Variants in RAD54L observed in about 807,000 individuals in gnomAD.
RAD54L encodes DNA repair and recombination protein RAD54-like.
A neutral mutation model predicts 91.6 loss-of-function variants in RAD54L; 74 were observed. That is an observed-to-expected ratio of 0.81 (90% CI 0.67 to 0.98). The LOEUF is 0.98. RAD54L is among the 50% of genes least tolerant of loss of function. The probability of loss-of-function intolerance (pLI) is 0.00; values close to 1 mark genes in which losing one functional copy is unlikely to be tolerated. For missense variants in RAD54L, 887 were observed against 945.7 expected (o/e 0.94, Z 0.81); for synonymous variants, 304 against 349.7 (o/e 0.87, Z 1.46).
rs1489321748 is a variant in RAD54L, at chr1:46,247,779, G to A, written c.-627G>A. The A allele has an allele frequency of 1.3e-5, 2 of 159,840 alleles. No homozygotes were observed. The highest frequency in any genetic ancestry group is 1.2e-4 in the Admixed American group (2 of 16,900). The allele number at this position is 159,840 out of a possible 1,614,324, so 9.9% of individuals were successfully genotyped here. A position where few individuals can be genotyped will look rare whatever the true frequency, so the allele number is the denominator to read the frequency against. On this transcript the variant is annotated 5_prime_UTR_variant, in exon 1 of 18. Transcript: ENST00000371975. ...TTGGCGGCTGTTAACGCGCGCTTTG[G>A]GAACAGGAAGGTTGAGAGAGAGGTG...
In RAD54L at chr1:46,278,347, C is replaced by T. The variant is rs1660687459; in HGVS notation, c.*65C>T. 11 of 1,491,122 alleles carry T rather than the reference C, an allele frequency of 7.4e-6. No homozygotes were observed. The South Asian group carries it at 1.2e-4, about 16-fold the overall frequency. 92.4% of individuals were successfully genotyped at this position (1,491,122 alleles called of 1,614,324 possible). On this transcript the variant is annotated 3_prime_UTR_variant, in exon 18 of 18. Transcript: ENST00000371975. ...TAGGGAAAAGGGGCTCCTTGCTCCA[C>T]AGGGCCCTGTTGAATTTTGTTCTCT...
intron 16 of RAD54L, among the ~76,000 whole-genome samples, chr1:46,276,106 C>T (rs544496906): frequency 6.6e-6 from 1 of 152,268 alleles, no homozygotes; most frequent in Non-Finnish European, 1.5e-5. Flanking sequence ...ACCACTTAAT[C>T]TACATTTCCA....
chr1:46,277,782 G>T (rs748932624), intron 16 of RAD54L, 35 bp from the exon 17 acceptor site: 2 of 1,570,252 alleles, frequency 1.3e-6, no homozygotes, highest in South Asian at 2.2e-5. Context: ...GCTAAGCGCT[G>T]TATCTTTTGA....
intron 16 of RAD54L, among the ~76,000 whole-genome samples, chr1:46,277,016 C>T (rs189812114): frequency 1.6e-4 from 24 of 152,244 alleles, no homozygotes; most frequent in East Asian, 9.7e-4. Context: ...AGGCTGGTCT[C>T]GAACTCCTGA....
Position 46,267,801 on chromosome 1 carries a change from A to G in RAD54L, c.1042+192A>G. On this transcript the variant is annotated intron_variant, in intron 9 of 17. Coordinates refer to ENST00000371975, the MANE Select transcript of RAD54L (RefSeq NM_003579.4). ...CCTTGGATCTGCTGAGCAACTCAGC[A>G]AAGCCCATGTTGGCCATTTTTCCAT... 3 of 755,548 alleles carry G rather than the reference A, an allele frequency of 4.0e-6. No homozygotes were observed. The South Asian group carries it at 4.8e-5, about 12-fold the overall frequency. 46.8% of individuals were successfully genotyped at this position (755,548 alleles called of 1,614,324 possible). A position where few individuals can be genotyped will look rare whatever the true frequency, so the allele number is the denominator to read the frequency against.
intron 9 of RAD54L, among the ~76,000 whole-genome samples, chr1:46,268,052 T>A (rs1660315721): frequency 6.6e-6 from 1 of 152,114 alleles, no homozygotes; most frequent in Admixed American, 6.6e-5. Context: ...CCATCATCCA[T>A]CTTCAGATTT....
Position 46,267,598 on chromosome 1 carries a change from C to G in RAD54L, c.1031C>G (p.Ser344Cys). Reference sequence around the variant, plus strand: ...TTCAGCTTGGTACATTTTGTTAATTCCGGCATCCTAGGTAAGAATCTAGCC... The same window carrying G: ...TTCAGCTTGGTACATTTTGTTAATTGCGGCATCCTAGGTAAGAATCTAGCC... The part of the protein sequence containing the change: ...EYFSLVHFVN[S>C]GILGTAHEFK... The change falls in exon 9 of 18, where the codon TCC (serine) becomes TGC (cysteine). Residue 344 changes from serine to cysteine, a missense_variant. By Grantham distance (112) the Ser-to-Cys change is moderately radical (BLOSUM62 -1). Transcript: ENST00000371975. 6.2e-7 allele frequency: 1 copy of G among 1,611,790 alleles called. No individual in the cohort carries two copies. The highest frequency in any genetic ancestry group is 8.5e-7 in the Non-Finnish European group (1 of 1,178,084).
intron 3 of RAD54L, among the ~76,000 whole-genome samples, chr1:46,255,095 A>G (rs992250393): frequency 1.2e-4 from 18 of 152,188 alleles, no homozygotes; most frequent in African/African-American, 4.3e-4. Context: ...TCTTGGCCAG[A>G]GTGGAAGGGG....
intron 9 of RAD54L, among the ~76,000 whole-genome samples, chr1:46,270,403 G>A (rs1660388795): frequency 6.6e-6 from 1 of 151,120 alleles, no homozygotes. Context: ...TGTCTTTTTA[G>A]TGGACTATTC....
rs1227675246 is a variant in RAD54L, at chr1:46,278,162, C to T, written c.2124C>T (p.His708=). 6 of 1,613,766 alleles carry T rather than the reference C, an allele frequency of 3.7e-6. No homozygotes were observed. The African/African-American group carries it at 8.0e-5, about 22-fold the overall frequency. Residue 708 remains histidine, a synonymous_variant, in exon 18 of 18, where the codon CAC becomes CAT. Transcript: ENST00000371975. The part of the protein sequence containing the change: ...DCTSDLAGWN[H]CTDKWGLRDE... Reference sequence around the variant, plus strand: ...CTTCAGACCTGGCAGGGTGGAACCACTGCACTGATAAGTGGGGGCTCCGGG... The same window carrying T: ...CTTCAGACCTGGCAGGGTGGAACCATTGCACTGATAAGTGGGGGCTCCGGG...
In RAD54L at chr1:46,248,502, C is replaced by T; in HGVS notation, c.4-10C>T. 2 of 1,614,108 alleles carry T rather than the reference C, an allele frequency of 1.2e-6. No individual in the cohort carries two copies. The highest frequency in any genetic ancestry group is 2.2e-5 in the East Asian group (1 of 44,866). On this transcript the variant is annotated splice_polypyrimidine_tract_variant and intron_variant, in intron 1 of 17. Coordinates refer to ENST00000371975, the MANE Select transcript of RAD54L (RefSeq NM_003579.4). ...TCCTTGCAGGCACTGTTTCTGTTCT[C>T]CCTTTACAGAGGAGGAGCTTGGCTC... is the stretch of plus-strand genomic sequence containing the variant.
rs372057099 is a variant in RAD54L, at chr1:46,274,521, G to A, written c.1690-17G>A. The A allele has an allele frequency of 3.7e-5, 59 of 1,612,008 alleles. No homozygotes were observed. Among genetic ancestry groups the A allele is most frequent in the Non-Finnish European group, 4.7e-5 (55 of 1,179,818 alleles). On this transcript the variant is annotated splice_polypyrimidine_tract_variant and intron_variant, in intron 15 of 17. Coordinates refer to ENST00000371975, the MANE Select transcript of RAD54L (RefSeq NM_003579.4). ...GGCTATAAGAGGTTCCTTTTCTCCT[G>A]TTTCTTCTCTTTCCAGAGCCCTGAC...
intron 16 of RAD54L, 59 bp from the exon 17 acceptor site, chr1:46,277,758 T>G: frequency 6.5e-7 from 1 of 1,536,774 alleles, no homozygotes; most frequent in Non-Finnish European, 9.0e-7. Flanking sequence ...TCCTGCTCCC[T>G]TTTTATGAGG....
chr1:46,260,205 T>A, intron 5 of RAD54L, 106 bp downstream of exon 5: 1 of 1,527,634 alleles, frequency 6.5e-7, no homozygotes, highest in Non-Finnish European at 9.0e-7. Context: ...GATTGACATA[T>A]GTTTTCAGAG....
At chr1:46,255,336 G>C (rs1323943947) in intron 3 of RAD54L, among the ~76,000 whole-genome samples, 2 of 152,050 alleles carry the variant, frequency 1.3e-5, no homozygotes, top group African/African-American at 2.4e-5. Flanking sequence ...TAGCCTTGGT[G>C]GGGAGGAGGG....
At chr1:46,258,792 G>A (rs2148285705) in intron 4 of RAD54L, 46 bp downstream of exon 4, 1 of 1,395,524 alleles carries the variant, frequency 7.2e-7, no homozygotes, top group Non-Finnish European at 1.0e-6. Flanking sequence ...ATATGTACGT[G>A]TGCCTGAATA....
intron 3 of RAD54L, among the ~76,000 whole-genome samples, chr1:46,257,929 G>A (rs985501703): frequency 6.6e-5 from 10 of 152,192 alleles, no homozygotes; most frequent in Non-Finnish European, 4.4e-5. Context: ...GGAAACACCA[G>A]TAATATATGG....
chr1:46,251,728 G>A (rs936238565), intron 3 of RAD54L, among the ~76,000 whole-genome samples: 16 of 152,126 alleles, frequency 1.1e-4, no homozygotes, highest in Non-Finnish European at 2.4e-4. Flanking sequence ...GCAACATGGT[G>A]AAACCCCATC....
chr1:46,275,818 A>G (rs1005179726), intron 16 of RAD54L, among the ~76,000 whole-genome samples: 1 of 152,084 alleles, frequency 6.6e-6, no homozygotes, highest in African/African-American at 2.4e-5. Flanking sequence ...TGTATCTCAC[A>G]CTGTTGACTA....
Sources: gnomAD v4.1 joint callset for allele counts (sites outside exome capture counted in the v4.1 genomes callset) on GRCh38, gnomAD v4.1.1 for gene constraint, MANE v1.5 for transcripts, NCBI Gene and HGNC (gene_info 2026-07-23, HGNC 2026-07-21) for gene names.